PLA2G4E: variants seen among roughly 807,000 people sequenced by gnomAD.
PLA2G4E encodes the protein cytosolic phospholipase A2 epsilon.
In PLA2G4E, 84 loss-of-function variants were observed where a neutral mutation model predicts 109.1. The observed-to-expected ratio is 0.77, with a 90% CI of 0.65 to 0.92. The LOEUF is 0.92. PLA2G4E is among the 40% of genes least tolerant of loss of function. The pLI is 0.00. For synonymous variants in PLA2G4E, 469 were observed against 436.1 expected (o/e 1.08, Z -0.94); for missense variants, 1,057 against 1,076.6 (o/e 0.98, Z 0.25).
chr15:42,038,167 AATGTGTAATATTCTG>A (rs974363641), intron 1 of PLA2G4E, among the ~76,000 whole-genome samples: 1 of 152,206 alleles, frequency 6.6e-6, no homozygotes, highest in African/African-American at 2.4e-5. Context: ...AAAAACTTAT[AATGTGTAATATTCTG>A]ATGTGTAATA....
intron 1 of PLA2G4E, among the ~76,000 whole-genome samples, chr15:42,015,123 G>A (rs1265388302): frequency 6.6e-6 from 1 of 152,202 alleles, no homozygotes. Flanking sequence ...TGGGGCAGTG[G>A]CTGTGGTTCC....
Position 42,050,649 on chromosome 15 carries a change from G to A in PLA2G4E, c.55C>T (p.Pro19Ser). The A allele has an allele frequency of 2.6e-6, 4 of 1,550,564 alleles. No homozygotes were observed. Among genetic ancestry groups the A allele is most frequent in the African/African-American group, 1.4e-5 (1 of 73,152 alleles). The change falls in exon 1 of 20, where the codon CCA becomes TCA. Residue 19 changes from proline (P) to serine (S), a missense_variant. Transcript: ENST00000399518. ...TCTTCATCCGTTTGTGGGCTCTGTG[G>A]GACAAACACATTAGTTCCCAGGCCA...
chr15:42,047,217 C>G (rs1048590242), intron 1 of PLA2G4E, among the ~76,000 whole-genome samples: 2 of 152,192 alleles, frequency 1.3e-5, no homozygotes, highest in African/African-American at 4.8e-5. Flanking sequence ...AGTGATGATC[C>G]TGTCTTGGCC....
intron 17 of PLA2G4E, 49 bp from the exon 18 acceptor site, chr15:41,986,054 C>T: frequency 6.5e-7 from 1 of 1,545,116 alleles, no homozygotes. Context: ...CCCTGACAGC[C>T]AATGGACAGA....
At chr15:41,985,007 AG>A (rs1306144962) in intron 18 of PLA2G4E, among the ~76,000 whole-genome samples, 1 of 152,200 alleles carries the variant, frequency 6.6e-6, no homozygotes, top group Non-Finnish European at 1.5e-5. Flanking sequence ...GGGCTAGAAA[AG>A]ACTCTGCAAG....
chr15:42,043,123 T>C (rs1889345661), intron 1 of PLA2G4E, among the ~76,000 whole-genome samples: 1 of 152,204 alleles, frequency 6.6e-6, no homozygotes. Context: ...GGGGTGGCTC[T>C]GGAAACCTAA....
At chr15:42,036,736 G>A (rs1191722257) in intron 1 of PLA2G4E, among the ~76,000 whole-genome samples, 5 of 152,146 alleles carry the variant, frequency 3.3e-5, no homozygotes, top group Admixed American at 6.5e-5. Flanking sequence ...CCCAGGCTGC[G>A]AAGGAGGGGC....
intron 1 of PLA2G4E, among the ~76,000 whole-genome samples, chr15:42,016,546 A>G (rs542752965): frequency 7.1e-4 from 108 of 152,226 alleles, no homozygotes; most frequent in African/African-American, 2.5e-3. Flanking sequence ...CGTGTTGGCC[A>G]GGCTGGTCTC....
chr15:42,047,333 A>G (rs1889432459), intron 1 of PLA2G4E, among the ~76,000 whole-genome samples: 1 of 152,178 alleles, frequency 6.6e-6, no homozygotes, highest in South Asian at 2.1e-4. Flanking sequence ...AGGGGTCCAC[A>G]TCTGGCAAGG....
chr15:41,993,016 T>A (rs186979314), intron 12 of PLA2G4E, 57 bp from the exon 13 acceptor site: 4 of 1,477,146 alleles, frequency 2.7e-6, no homozygotes, highest in African/African-American at 1.4e-5. Context: ...TGATGAGTCC[T>A]GGACCCGGGC....
At chr15:41,993,987 A>G (rs1247784305) in intron 12 of PLA2G4E, among the ~76,000 whole-genome samples, 1 of 151,908 alleles carries the variant, frequency 6.6e-6, no homozygotes, top group Non-Finnish European at 1.5e-5. Context: ...TCTATCGCAT[A>G]GTAGTCCGGG....
intron 1 of PLA2G4E, 115 bp from the exon 2 acceptor site, chr15:42,013,872 C>G: frequency 2.0e-6 from 1 of 510,050 alleles, no homozygotes; most frequent in Non-Finnish European, 3.3e-6. Context: ...TTACAACAAC[C>G]CCTAGGCTGG....
At chr15:42,036,023 G>T (rs1018316965) in intron 1 of PLA2G4E, among the ~76,000 whole-genome samples, 1 of 152,120 alleles carries the variant, frequency 6.6e-6, no homozygotes, top group Non-Finnish European at 1.5e-5. Context: ...CATTAGGCTT[G>T]TAAGATTCAC....
chr15:41,986,216 T>G (rs1213495270), intron 17 of PLA2G4E, among the ~76,000 whole-genome samples: 1 of 152,158 alleles, frequency 6.6e-6, no homozygotes, highest in African/African-American at 2.4e-5. Flanking sequence ...TTGATACTTG[T>G]GGGGTATAAG....
chr15:42,034,969 C>T (rs1256230504), intron 1 of PLA2G4E, among the ~76,000 whole-genome samples: 6 of 152,208 alleles, frequency 3.9e-5, no homozygotes. Context: ...TCCTGATGTG[C>T]CTGGCTGCCA....
At chr15:42,030,253 A>G (rs1340193973) in intron 1 of PLA2G4E, among the ~76,000 whole-genome samples, 1 of 152,184 alleles carries the variant, frequency 6.6e-6, no homozygotes, top group African/African-American at 2.4e-5. Flanking sequence ...TTGAAGAAAG[A>G]GAGGAAACCC....
intron 1 of PLA2G4E, among the ~76,000 whole-genome samples, chr15:42,015,989 A>G (rs1478960032): frequency 4.6e-5 from 7 of 152,132 alleles, no homozygotes; most frequent in Non-Finnish European, 7.3e-5. Flanking sequence ...GTTGTCGTCC[A>G]TTCCCAGCCT....
At chr15:41,984,041 C>G in intron 19 of PLA2G4E, 67 bp from the exon 20 acceptor site, 4 of 1,453,368 alleles carry the variant, frequency 2.8e-6, no homozygotes, top group Non-Finnish European at 3.8e-6. Context: ...GTTTCCACAT[C>G]TCTCCCCAAG....
chr15:41,987,492 T>A, intron 16 of PLA2G4E, 117 bp from the exon 17 acceptor site: 1 of 908,036 alleles, frequency 1.1e-6, no homozygotes, highest in East Asian at 2.6e-5. Flanking sequence ...AAGCAGCTCA[T>A]ACCTTCCTTG....
Sources: gnomAD v4.1 joint callset for allele counts (sites outside exome capture counted in the v4.1 genomes callset) on GRCh38, gnomAD v4.1.1 for gene constraint, MANE v1.5 for transcripts, NCBI Gene and HGNC (gene_info 2026-07-23, HGNC 2026-07-21) for gene names.